ITGA1: variants seen among roughly 807,000 people sequenced by gnomAD.
ITGA1 encodes the protein integrin subunit alpha 1.
ITGA1 carries 85 observed loss-of-function variants against 145.9 expected under a neutral mutation model. The observed-to-expected ratio is 0.58, with a 90% CI of 0.49 to 0.70. The LOEUF is 0.70. Ranked by LOEUF, ITGA1 falls within the 30% of genes least tolerant of loss-of-function variation. The probability of loss-of-function intolerance (pLI) is 0.00; values close to 1 mark genes in which losing one functional copy is unlikely to be tolerated. For missense variants in ITGA1, 1,351 were observed against 1,418.7 expected, an observed-to-expected ratio of 0.95 and a Z score of 0.77; for synonymous variants, 520 against 495.3, an observed-to-expected ratio of 1.05 and a Z score of -0.66.
Position 52,937,063 on chromosome 5 carries a change from G to A in ITGA1, c.2965-338G>A, listed in dbSNP as rs2302961. 4.7e-3 allele frequency among the ~76,000 whole-genome samples: 324 copies of A among 68,266 alleles called. 1 individual carries two copies. The highest frequency in any genetic ancestry group is 0.011 in the South Asian group (18 of 1,578). 44.8% of individuals were successfully genotyped at this position (68,266 alleles called of 152,430 possible). A position where few individuals can be genotyped will look rare whatever the true frequency, so the allele number is the denominator to read the frequency against. On this transcript the variant is annotated intron_variant, in intron 23 of 28. Coordinates refer to ENST00000282588, the MANE Select transcript of ITGA1 (RefSeq NM_181501.2). ...ACTGGTATGTTAAAAAAAAAAAAAA[G>A]AAAGAAAAAGAAAAGAATGAGCATG...
intron 8 of ITGA1, among the ~76,000 whole-genome samples, chr5:52,890,721 T>C (rs967220255): frequency 6.6e-6 from 1 of 152,238 alleles, no homozygotes; most frequent in Non-Finnish European, 1.5e-5. Context: ...ATCATTTCTT[T>C]GTGTTGGGAA....
At chr5:52,820,891 G>C (rs1324066168) in intron 1 of ITGA1, among the ~76,000 whole-genome samples, 1 of 152,062 alleles carries the variant, frequency 6.6e-6, no homozygotes, top group Non-Finnish European at 1.5e-5. Flanking sequence ...AAGGTTGTCT[G>C]TTTTGATTAA....
At chr5:52,922,980 A>G (rs1200150802) in intron 18 of ITGA1, 93 bp downstream of exon 18, 1 of 693,960 alleles carries the variant, frequency 1.4e-6, no homozygotes, top group Non-Finnish European at 2.5e-6. Context: ...TGCATTGATC[A>G]CAAAGAACGA....
At chr5:52,795,468 A>G (rs1307775718) in intron 1 of ITGA1, among the ~76,000 whole-genome samples, 1 of 151,980 alleles carries the variant, frequency 6.6e-6, no homozygotes, top group Non-Finnish European at 1.5e-5. Context: ...TCAGGAGCCC[A>G]TAATTCCATT....
At chr5:52,885,101 T>A (rs1332037157) in intron 7 of ITGA1, among the ~76,000 whole-genome samples, 1 of 152,136 alleles carries the variant, frequency 6.6e-6, no homozygotes, top group East Asian at 1.9e-4. Context: ...GCAAGAGATA[T>A]GTAGTGCAAG....
intron 11 of ITGA1, chr5:52,902,811 G>T (rs1750337376): frequency 6.6e-6 from 1 of 152,136 alleles, no homozygotes; most frequent in South Asian, 2.1e-4. Context: ...CTGACCTCAG[G>T]TGATCCACCT....
chr5:52,872,293 G>C (rs1373075684), intron 6 of ITGA1, among the ~76,000 whole-genome samples: 1 of 152,088 alleles, frequency 6.6e-6, no homozygotes, highest in Non-Finnish European at 1.5e-5. Context: ...ACCTTTGTCA[G>C]TCTGCTTACA....
chr5:52,938,705 T>C (rs1448222877), intron 24 of ITGA1, among the ~76,000 whole-genome samples: 1 of 152,180 alleles, frequency 6.6e-6, no homozygotes, highest in Non-Finnish European at 1.5e-5. Context: ...AGCTATCTTA[T>C]AAATATAGCA....
At chr5:52,898,934 C>T (rs1477680415) in intron 11 of ITGA1, among the ~76,000 whole-genome samples, 1 of 152,024 alleles carries the variant, frequency 6.6e-6, no homozygotes, top group Non-Finnish European at 1.5e-5. Flanking sequence ...CAGTGTCTTG[C>T]CAGAAATGAG....
At chr5:52,828,958 A>C (rs2456213) in intron 1 of ITGA1, among the ~76,000 whole-genome samples, 113,237 of 151,520 alleles carry the variant, frequency 0.75, 42,632 homozygotes, top group African/African-American at 0.81. Context: ...GTTTTTGTAT[A>C]TAGGTATCTT....
intron 1 of ITGA1, among the ~76,000 whole-genome samples, chr5:52,788,970 G>A (rs1748185293): frequency 6.6e-6 from 1 of 152,158 alleles, no homozygotes; most frequent in South Asian, 2.1e-4. Context: ...CCCAAGAGGA[G>A]GGATATTTTG....
intron 11 of ITGA1, chr5:52,901,779 C>T (rs1338438538): frequency 1.3e-5 from 2 of 152,140 alleles, no homozygotes; most frequent in African/African-American, 4.8e-5. Context: ...TTTCTGAGCA[C>T]AGTATTTATA....
intron 24 of ITGA1, among the ~76,000 whole-genome samples, chr5:52,937,761 C>G (rs192375892): frequency 2.6e-5 from 4 of 152,290 alleles, no homozygotes; most frequent in Admixed American, 2.6e-4. Flanking sequence ...GTCCAGAAGT[C>G]CAAAATCAAG....
At chr5:52,813,592 T>G (rs1370362080) in intron 1 of ITGA1, among the ~76,000 whole-genome samples, 1 of 152,286 alleles carries the variant, frequency 6.6e-6, no homozygotes, top group South Asian at 2.1e-4. Flanking sequence ...GCTGATGGAA[T>G]AGCCACCCCC....
At position 52,956,766 on chromosome 5, in the gene ITGA1, G is replaced by T. The variant is rs143460420; in HGVS notation, c.*4315G>T. On this transcript the variant is annotated 3_prime_UTR_variant, in exon 29 of 29. Transcript: ENST00000282588. ...AATCATCTAAAAAATGAAAAGAAGG[G>T]CCTTAAAGTCCTCACATGGATGCTG... 2 of 152,204 alleles carry T rather than the reference G, an allele frequency of 1.3e-5. No individual in the cohort carries two copies. The highest frequency in any genetic ancestry group is 1.9e-4 in the East Asian group (1 of 5,182). The allele number at this position is 152,204 out of a possible 1,614,324, so 9.4% of individuals were successfully genotyped here. A position where few individuals can be genotyped will look rare whatever the true frequency, so the allele number is the denominator to read the frequency against.
intron 27 of ITGA1, 47 bp from the exon 28 acceptor site, chr5:52,947,298 T>A (rs1389805968): frequency 8.9e-7 from 1 of 1,122,204 alleles, no homozygotes; most frequent in Admixed American, 1.7e-5. Flanking sequence ...TTCCAGGAGT[T>A]CTAATAGGTG....
intron 2 of ITGA1, among the ~76,000 whole-genome samples, chr5:52,851,068 T>G (rs1749424593): frequency 6.6e-6 from 1 of 152,186 alleles, no homozygotes; most frequent in Non-Finnish European, 1.5e-5. Context: ...TTACACAAAT[T>G]TTAAAGAGGA....
chr5:52,949,313 A>G (rs1751183504), intron 28 of ITGA1, among the ~76,000 whole-genome samples: 3 of 152,216 alleles, frequency 2.0e-5, no homozygotes. Flanking sequence ...AGTGAAGAAC[A>G]TAAAATTTAA....
chr5:52,887,903 C>T lies in ITGA1; in HGVS notation c.862C>T (p.His288Tyr), dbSNP rs761827631. The change falls in exon 8 of 29, where the codon CAT (histidine) becomes TAT (tyrosine). Residue 288 changes from histidine (H) to tyrosine (Y), a missense_variant. Transcript: ENST00000282588. ...IVTDGESHDN[H>Y]RLKKVIQDCE... ...GACAGATGGAGAGTCTCATGACAATCATCGACTGAAGAAGGTCATCCAAGA... is the reference window on the plus strand; with the variant it reads ...GACAGATGGAGAGTCTCATGACAATTATCGACTGAAGAAGGTCATCCAAGA... The T allele has an allele frequency of 8.7e-6, 14 of 1,613,954 alleles. No individual in the cohort carries two copies. The highest frequency in any genetic ancestry group is 1.6e-4 in the Middle Eastern group (1 of 6,084).
Sources: gnomAD v4.1 joint callset for allele counts (sites outside exome capture counted in the v4.1 genomes callset) on GRCh38, gnomAD v4.1.1 for gene constraint, MANE v1.5 for transcripts, NCBI Gene and HGNC (gene_info 2026-07-23, HGNC 2026-07-21) for gene names.